Variants in IGF2BP3 observed in about 807,000 individuals in gnomAD.
IGF2BP3 encodes the protein insulin like growth factor 2 mRNA binding protein 3, also known as insulin-like growth factor 2 mRNA-binding protein 3.
Under a neutral mutation model 73.8 loss-of-function variants are expected in IGF2BP3, and 9 were observed. The observed-to-expected ratio is 0.12, with a 90% CI of 0.07 to 0.21. IGF2BP3 has a LOEUF of 0.21. Among genes scored for constraint, IGF2BP3 ranks in the 10% least tolerant of loss-of-function variants. IGF2BP3 has a pLI of 1.00. For missense variants in IGF2BP3, 542 were observed against 714.0 expected, an observed-to-expected ratio of 0.76 and a Z score of 2.75; for synonymous variants, 258 against 256.7, an observed-to-expected ratio of 1.01 and a Z score of -0.05.
chr7:23,341,083 C>T (rs1211464273), intron 10 of IGF2BP3, among the ~76,000 whole-genome samples: 3 of 152,010 alleles, frequency 2.0e-5, no homozygotes, highest in African/African-American at 7.2e-5. Flanking sequence ...CTCCTGACCT[C>T]GGGTGATCCT....
chr7:23,346,784 G>A (rs959816795), intron 7 of IGF2BP3, among the ~76,000 whole-genome samples: 2 of 151,874 alleles, frequency 1.3e-5, no homozygotes, highest in Admixed American at 6.6e-5. Flanking sequence ...GTAGAGACGG[G>A]GTTTCACCAT....
chr7:23,379,329 G>A (rs1785832493), intron 3 of IGF2BP3, among the ~76,000 whole-genome samples: 1 of 152,174 alleles, frequency 6.6e-6, no homozygotes, highest in African/African-American at 2.4e-5. Context: ...TATATCTGCT[G>A]TAGTTAAAAA....
At chr7:23,329,481 C>T (rs1263627110) in intron 10 of IGF2BP3, among the ~76,000 whole-genome samples, 1 of 152,154 alleles carries the variant, frequency 6.6e-6, no homozygotes, top group African/African-American at 2.4e-5. Flanking sequence ...AGAAGTAGAA[C>T]TGCTGAGTCA....
chr7:23,366,008 A>C (rs1203471515), intron 3 of IGF2BP3: 1 of 152,216 alleles, frequency 6.6e-6, no homozygotes, highest in African/African-American at 2.4e-5. Context: ...AAAGTTATAA[A>C]ACCACACACA....
intron 10 of IGF2BP3, among the ~76,000 whole-genome samples, chr7:23,320,823 C>T (rs1784117241): frequency 6.6e-6 from 1 of 151,332 alleles, no homozygotes; most frequent in African/African-American, 2.4e-5. Flanking sequence ...TAGCGCTTGC[C>T]TGTGGTCCCA....
At position 23,469,958 on chromosome 7, in the gene IGF2BP3, GA is replaced by G; in HGVS notation, c.152del (p.Leu51ProfsTer11). On this transcript the variant is annotated frameshift_variant, in exon 1 of 15. Coordinates refer to ENST00000258729, the MANE Select transcript of IGF2BP3 (RefSeq NM_006547.3). LOFTEE classifies it high-confidence loss of function. This position sits in a 1 kb window ranked among gnomAD's most constrained non-coding sequence, Gnocchi z 6.1. ...CACCTGAAAGCGCCTCGATGGCCTT[GA>G]GGGCCCAGCTCTCGTCCGGGCAGTC... ...FVDCPDESWA[L>X]KAIEALSGKI... The G allele has an allele frequency of 1.2e-6, 2 of 1,611,314 alleles. No homozygotes were observed. The highest frequency in any genetic ancestry group is 1.7e-6 in the Non-Finnish European group (2 of 1,179,318).
intron 3 of IGF2BP3, among the ~76,000 whole-genome samples, chr7:23,363,127 T>G (rs1193147745): frequency 6.6e-6 from 1 of 152,242 alleles, no homozygotes; most frequent in African/African-American, 2.4e-5. Flanking sequence ...ACAAATTTTA[T>G]GGTAATTTAC....
chr7:23,466,833 A>C (rs1279602247), intron 2 of IGF2BP3, among the ~76,000 whole-genome samples: 3 of 152,220 alleles, frequency 2.0e-5, no homozygotes, highest in Non-Finnish European at 4.4e-5. Flanking sequence ...AAAAATCCAA[A>C]ACATTTCATT....
In IGF2BP3 at chr7:23,345,884, A is replaced by G; in HGVS notation, c.941+56T>C. ...AGTGGGAAGCTAAGCCCAATACACA[A>G]CATGCAGCTTACAGTGTTGGAAAGT... On this transcript the variant is annotated intron_variant, in intron 8 of 14. Coordinates refer to ENST00000258729, the MANE Select transcript of IGF2BP3 (RefSeq NM_006547.3). 6.3e-6 allele frequency: 10 copies of G among 1,585,290 alleles called. No homozygotes were observed. In the South Asian group the frequency reaches 9.2e-5, roughly 15 times the overall value.
chr7:23,333,410 C>T (rs78348910), intron 10 of IGF2BP3, among the ~76,000 whole-genome samples: 3,227 of 152,248 alleles, frequency 0.021, 109 homozygotes, highest in African/African-American at 0.074. Flanking sequence ...TGTGTCTTAG[C>T]CTGGAACACG....
rs1254579902 is a variant in IGF2BP3, at chr7:23,311,562, T to C, written c.*800A>G. The C allele has an allele frequency of 2.6e-5, 4 of 152,354 alleles. No homozygotes were observed. 9.4% of individuals were successfully genotyped at this position (152,354 alleles called of 1,614,324 possible). ...AGATACTAGGCACTGCTCCGTATTT[T>C]TGAACATTTGATTTAACTAATAACT... On this transcript the variant is annotated 3_prime_UTR_variant, in exon 15 of 15. Transcript: ENST00000258729.
Position 23,418,830 on chromosome 7 carries a change from G to T in IGF2BP3, c.237-6C>A. On this transcript the variant is annotated splice_polypyrimidine_tract_variant and splice_region_variant and intron_variant, in intron 2 of 14. Coordinates refer to ENST00000258729, the MANE Select transcript of IGF2BP3 (RefSeq NM_006547.3). ...GTATCTGAAGTTTCCGAATCCTGCA[G>T]AAGAATTAAAATGTTTTTTAAAAGA... 6.4e-7 allele frequency: 1 copy of T among 1,561,274 alleles called. No homozygotes were observed. Among genetic ancestry groups the T allele is most frequent in the Non-Finnish European group, 8.7e-7 (1 of 1,145,508 alleles).
chr7:23,319,684 C>G (rs986414041), intron 10 of IGF2BP3, among the ~76,000 whole-genome samples: 1 of 152,126 alleles, frequency 6.6e-6, no homozygotes, highest in African/African-American at 2.4e-5. Flanking sequence ...CAGCTCCACA[C>G]CTTATCTATG....
intron 3 of IGF2BP3, among the ~76,000 whole-genome samples, chr7:23,373,732 A>C (rs535549938): frequency 6.0e-4 from 91 of 152,330 alleles, no homozygotes; most frequent in African/African-American, 2.0e-3. Flanking sequence ...GTCTTCTTCG[A>C]ATCTCATGCT....
rs1418712745 is a variant in IGF2BP3 at position 23,405,719 on chromosome 7, C to G, written c.285+13057G>C. ...GAGATTCTAACCAATGCCTGATGAT[C>G]TGAGGTAGAACAGTTTCTATCCCGA... On this transcript the variant is annotated intron_variant, in intron 3 of 14. Transcript: ENST00000258729. 2.0e-5 allele frequency among the ~76,000 whole-genome samples: 3 copies of G among 152,176 alleles called. No homozygotes were observed. In the East Asian group the frequency reaches 5.8e-4, roughly 29 times the overall value.
chr7:23,427,328 A>C (rs890701734), intron 2 of IGF2BP3, among the ~76,000 whole-genome samples: 2 of 152,190 alleles, frequency 1.3e-5, no homozygotes, highest in Non-Finnish European at 2.9e-5. Flanking sequence ...TAGGAAACTC[A>C]ATAAAGTATC....
At chr7:23,424,263 C>G (rs1013030740) in intron 2 of IGF2BP3, among the ~76,000 whole-genome samples, 1 of 151,108 alleles carries the variant, frequency 6.6e-6, no homozygotes, top group African/African-American at 2.4e-5. Flanking sequence ...CTTTGGGAGG[C>G]TGAGGTCGGG....
chr7:23,352,699 A>G (rs1430479512), intron 5 of IGF2BP3, among the ~76,000 whole-genome samples: 1 of 152,170 alleles, frequency 6.6e-6, no homozygotes, highest in Non-Finnish European at 1.5e-5. Context: ...ATCCAGAACT[A>G]GAACACACCA....
intron 10 of IGF2BP3, among the ~76,000 whole-genome samples, chr7:23,321,066 G>A (rs56265606): frequency 0.018 from 2,803 of 152,176 alleles, 82 homozygotes; most frequent in African/African-American, 0.064. Flanking sequence ...CGGGAGGGAG[G>A]AGCCAAGATG....
Sources: allele counts gnomAD v4.1 joint callset (sites outside exome capture counted in the v4.1 genomes callset), GRCh38; gene constraint gnomAD v4.1.1; non-coding constraint Gnocchi (gnomAD v3.1); transcripts MANE v1.5; gene names NCBI Gene and HGNC (gene_info 2026-07-23, HGNC 2026-07-21).